Variants in SLC24A2 observed in about 807,000 individuals in gnomAD.
SLC24A2 encodes the protein sodium/potassium/calcium exchanger 2.
Under a neutral mutation model 62.0 loss-of-function variants are expected in SLC24A2, and 36 were observed. That is an observed-to-expected ratio of 0.58 (90% confidence interval 0.44 to 0.77). The LOEUF (loss-of-function observed/expected upper bound fraction) is 0.77, where lower values mean the gene tolerates loss of function less well. SLC24A2 is among the 30% of genes least tolerant of loss of function. The pLI is 0.00. For synonymous variants in SLC24A2, 358 were observed against 294.0 expected (o/e 1.22, Z -2.23); for missense variants, 846 against 817.9 (o/e 1.03, Z -0.42).
the SLC24A2 span, among the ~76,000 whole-genome samples, chr9:20,111,459 G>T: frequency 6.6e-6 from 1 of 152,104 alleles, no homozygotes; most frequent in African/African-American, 2.4e-5. Flanking sequence ...AACAATGTCT[G>T]CATATTTATA....
At chr9:20,217,147 A>G in the SLC24A2 span, among the ~76,000 whole-genome samples, 1 of 152,212 alleles carries the variant, frequency 6.6e-6, no homozygotes, top group African/African-American at 2.4e-5. Flanking sequence ...AAGAATGAAA[A>G]ATCTGTACCT....
rs552808527 is a variant in SLC24A2 at position 19,530,137 on chromosome 9, C to G, written c.1480-1999G>C. Among the ~76,000 whole-genome samples, 55 of 146,536 alleles carry G rather than the reference C, an allele frequency of 3.8e-4. 1 individual carries two copies. The South Asian group carries it at 0.012, about 32-fold the overall frequency. On this transcript the variant is annotated intron_variant, in intron 8 of 10. Coordinates refer to ENST00000341998, the MANE Select transcript of SLC24A2 (RefSeq NM_020344.4). ...AGCCGGATTCTGGAGACCGAATTCCCTGAGCCAGTGCTAAGAGATGAAGTT... is the reference window on the plus strand; with the variant it reads ...AGCCGGATTCTGGAGACCGAATTCCGTGAGCCAGTGCTAAGAGATGAAGTT...
the SLC24A2 span, among the ~76,000 whole-genome samples, chr9:19,798,123 CTAGTT>C: frequency 6.6e-6 from 1 of 152,048 alleles, no homozygotes; most frequent in African/African-American, 2.4e-5. Flanking sequence ...ACTTAATAAA[CTAGTT>C]TATTCATTTT....
intron 7 of SLC24A2, among the ~76,000 whole-genome samples, chr9:19,563,049 T>TGAGCCATGACTGCACC (rs1835481998): frequency 1.3e-5 from 2 of 152,270 alleles, no homozygotes; most frequent in South Asian, 4.2e-4. Context: ...GAGGCTGCAG[T>TGAGCCATGACTGCACC]GAGCCATGAC....
At chr9:19,803,297 A>C in the SLC24A2 span, among the ~76,000 whole-genome samples, 4 of 152,236 alleles carry the variant, frequency 2.6e-5, no homozygotes, top group Non-Finnish European at 5.9e-5. Flanking sequence ...CTATATAAAC[A>C]AACATTTTCT....
chr9:19,982,370 C>A, the SLC24A2 span, among the ~76,000 whole-genome samples: 18 of 152,242 alleles, frequency 1.2e-4, no homozygotes, highest in Non-Finnish European at 2.1e-4. Context: ...TAAAGGCAAG[C>A]ACAGTCAGTT....
Position 19,788,977 on chromosome 9 carries a change from C to A in SLC24A2, c.-246G>T, listed in dbSNP as rs551073535. On this transcript the variant is annotated 5_prime_UTR_variant, in exon 1 of 11. Transcript: ENST00000341998. The stretch of plus-strand genomic sequence containing the variant: ...GCCCTCCGCCTACCCGCTCTGAGGC[C>A]CGGGCTCTGGCTCGCACTGGCTGCC... The A allele has an allele frequency of 1.4e-5, 14 of 982,866 alleles. No homozygotes were observed. Among genetic ancestry groups the A allele is most frequent in the East Asian group, 1.1e-4 (1 of 8,788 alleles). The allele number at this position is 982,866 out of a possible 1,614,324, so 60.9% of individuals were successfully genotyped here.
the SLC24A2 span, among the ~76,000 whole-genome samples, chr9:19,805,503 G>A: frequency 6.6e-6 from 1 of 152,114 alleles, no homozygotes; most frequent in South Asian, 2.1e-4. Flanking sequence ...CATACATATG[G>A]TTGATTCTGT....
the SLC24A2 span, among the ~76,000 whole-genome samples, chr9:20,256,368 C>G: frequency 6.6e-6 from 1 of 152,184 alleles, no homozygotes; most frequent in Non-Finnish European, 1.5e-5. Flanking sequence ...TGCTAAGCCT[C>G]TGCTCTTCTG....
intron 2 of SLC24A2, among the ~76,000 whole-genome samples, chr9:19,779,866 T>C (rs1180895614): frequency 6.6e-6 from 1 of 151,606 alleles, no homozygotes; most frequent in East Asian, 2.0e-4. Context: ...GAGACCACCC[T>C]GGCTAACATG....
chr9:19,769,631 G>C (rs2118887014), intron 2 of SLC24A2, among the ~76,000 whole-genome samples: 1 of 152,264 alleles, frequency 6.6e-6, no homozygotes, highest in East Asian at 1.9e-4. Context: ...GATGCTTACT[G>C]CCACTGACTG....
At chr9:19,556,545 G>T (rs1195412044) in intron 7 of SLC24A2, among the ~76,000 whole-genome samples, 1 of 152,110 alleles carries the variant, frequency 6.6e-6, no homozygotes, top group Non-Finnish European at 1.5e-5. Context: ...CTCATCACCA[G>T]TTCACAAGGA....
chr9:20,220,645 C>G, the SLC24A2 span, among the ~76,000 whole-genome samples: 4 of 152,182 alleles, frequency 2.6e-5, no homozygotes, highest in Non-Finnish European at 5.9e-5. Flanking sequence ...TTAGCTTTCA[C>G]TTGGGCAGTT....
the SLC24A2 span, among the ~76,000 whole-genome samples, chr9:20,047,528 T>G: frequency 4.9e-4 from 72 of 148,406 alleles, no homozygotes; most frequent in Admixed American, 1.6e-3. Flanking sequence ...ATTTATTTCT[T>G]ATGTTTCTGA....
the SLC24A2 span, among the ~76,000 whole-genome samples, chr9:20,154,649 T>TAA: frequency 6.8e-6 from 1 of 147,324 alleles, no homozygotes; most frequent in African/African-American, 2.5e-5. Context: ...TTTCTAAGGT[T>TAA]AAAAAAAAAA....
At chr9:20,188,767 A>G in the SLC24A2 span, among the ~76,000 whole-genome samples, 2 of 152,152 alleles carry the variant, frequency 1.3e-5, no homozygotes, top group East Asian at 1.9e-4. Flanking sequence ...AAAAGCAAGG[A>G]AACAGATGCT....
At chr9:19,663,915 T>C (rs1194331246) in intron 2 of SLC24A2, among the ~76,000 whole-genome samples, 1 of 152,208 alleles carries the variant, frequency 6.6e-6, no homozygotes, top group Non-Finnish European at 1.5e-5. Flanking sequence ...TTGATTTCCC[T>C]TCCAATATCC....
the SLC24A2 span, among the ~76,000 whole-genome samples, chr9:19,883,571 GT>G: frequency 4.1e-5 from 6 of 147,834 alleles, no homozygotes; most frequent in African/African-American, 9.9e-5. Flanking sequence ...TCTGTACATT[GT>G]TTTTTTTTTT....
chr9:19,690,753 A>G (rs777068859), intron 2 of SLC24A2, among the ~76,000 whole-genome samples: 3 of 152,198 alleles, frequency 2.0e-5, no homozygotes, highest in South Asian at 2.1e-4. Context: ...AGGCTTTTAT[A>G]TATTCAGTCT....
Sources: allele counts gnomAD v4.1 joint callset (sites outside exome capture counted in the v4.1 genomes callset), GRCh38; gene constraint gnomAD v4.1.1; transcripts MANE v1.5; gene names NCBI Gene and HGNC (gene_info 2026-07-23, HGNC 2026-07-21).